Variants in CHODL observed in about 807,000 individuals in gnomAD.
CHODL encodes transmembrane protein MT75.
A neutral mutation model predicts 34.5 loss-of-function variants in CHODL; 29 were observed. The observed-to-expected ratio is 0.84, with a 90% CI of 0.63 to 1.15. The LOEUF (loss-of-function observed/expected upper bound fraction) is 1.15, where lower values mean the gene tolerates loss of function less well. CHODL is among the 50% of genes most tolerant of loss of function. The pLI is 0.00. For missense variants in CHODL, 332 were observed against 332.5 expected, an observed-to-expected ratio of 1.00 and a Z score of 0.01; for synonymous variants, 125 against 116.1, an observed-to-expected ratio of 1.08 and a Z score of -0.49.
intron 1 of CHODL, among the ~76,000 whole-genome samples, chr21:17,991,389 C>G (rs1269808980): frequency 1.3e-5 from 2 of 151,990 alleles, no homozygotes; most frequent in Non-Finnish European, 2.9e-5. Flanking sequence ...ATACCGTTTT[C>G]TATAATGGAT....
At chr21:17,928,483 G>C (rs575102609) in intron 1 of CHODL, among the ~76,000 whole-genome samples, 1 of 152,224 alleles carries the variant, frequency 6.6e-6, no homozygotes, top group East Asian at 1.9e-4. Context: ...GACAAAGCGG[G>C]GTGTCCTAGG....
intron 2 of CHODL, among the ~76,000 whole-genome samples, chr21:18,056,197 G>A (rs2064577712): frequency 6.6e-6 from 1 of 151,964 alleles, no homozygotes; most frequent in Non-Finnish European, 1.5e-5. Context: ...ATCACTGGCA[G>A]ACCATTAACC....
chr21:18,181,368 A>G (rs2073379013), intron 2 of CHODL, among the ~76,000 whole-genome samples: 1 of 152,204 alleles, frequency 6.6e-6, no homozygotes, highest in African/African-American at 2.4e-5. Context: ...ATACAAAAGA[A>G]GCCCTGTAAC....
chr21:18,148,502 G>T (rs967884611), intron 2 of CHODL, among the ~76,000 whole-genome samples: 11 of 152,052 alleles, frequency 7.2e-5, no homozygotes, highest in African/African-American at 2.4e-4. Context: ...AGGTTTTATA[G>T]AAGTTTAATG....
In CHODL at chr21:18,167,209, CTCTGTGTGTGTGTG is replaced by C. The variant is rs1169162739; in HGVS notation, c.-44-89298_-44-89285del. ...TATTTCACCATTCCCATTTCTCTCTCTCTGTGTGTGTGTGTGTGTGTGTGTGTGTGTGTGTGTGT... is the reference window on the plus strand; with the variant it reads ...TATTTCACCATTCCCATTTCTCTCTCTGTGTGTGTGTGTGTGTGTGTGTGT... On this transcript the variant is annotated intron_variant, in intron 2 of 6. Coordinates refer to the CHODL transcript ENST00000400127. 9.3e-5 allele frequency among the ~76,000 whole-genome samples: 12 copies of C among 129,148 alleles called. 1 individual carries two copies. The highest frequency in any genetic ancestry group is 8.7e-4 in the East Asian group (4 of 4,590). The allele number at this position is 129,148 out of a possible 152,430, so 84.7% of individuals were successfully genotyped here. A position where few individuals can be genotyped will look rare whatever the true frequency, so the allele number is the denominator to read the frequency against.
intron 2 of CHODL, among the ~76,000 whole-genome samples, chr21:18,056,909 C>T (rs1485029402): frequency 1.3e-5 from 2 of 151,980 alleles, no homozygotes; most frequent in African/African-American, 4.8e-5. Flanking sequence ...TTGTTTCTAG[C>T]TTTCATTTCA....
intron 2 of CHODL, among the ~76,000 whole-genome samples, chr21:18,153,096 A>T (rs1029569257): frequency 6.6e-6 from 1 of 152,068 alleles, no homozygotes; most frequent in African/African-American, 2.4e-5. Context: ...ATTATAACAA[A>T]CTCCAACAGC....
intron 5 of CHODL, among the ~76,000 whole-genome samples, chr21:18,263,229 A>G (rs1230742163): frequency 6.6e-6 from 1 of 152,158 alleles, no homozygotes; most frequent in Non-Finnish European, 1.5e-5. Flanking sequence ...GCACTATATT[A>G]TACTGTTTTT....
upstream of CHODL, among the ~76,000 whole-genome samples, chr21:18,241,907 A>G (rs932679412): frequency 2.6e-5 from 4 of 151,672 alleles, no homozygotes; most frequent in African/African-American, 9.7e-5. Context: ...TCATCCTTCT[A>G]TTTGGGGGCT....
chr21:18,046,156 C>T (rs781374213), intron 2 of CHODL, among the ~76,000 whole-genome samples: 20 of 151,594 alleles, frequency 1.3e-4, no homozygotes, highest in Admixed American at 1.1e-3. Context: ...TGGAGGAGAC[C>T]GAGAGGATAT....
intron 1 of CHODL, among the ~76,000 whole-genome samples, chr21:18,027,233 C>G (rs2064186067): frequency 6.6e-6 from 1 of 152,092 alleles, no homozygotes; most frequent in Non-Finnish European, 1.5e-5. Context: ...ATGATGGTGC[C>G]ACTGTACGCC....
intron 1 of CHODL, among the ~76,000 whole-genome samples, chr21:17,972,366 A>G (rs2063622219): frequency 6.6e-6 from 1 of 152,242 alleles, no homozygotes; most frequent in Non-Finnish European, 1.5e-5. Flanking sequence ...CTCTTTGCAG[A>G]TGACATGATT....
intron 2 of CHODL, among the ~76,000 whole-genome samples, chr21:18,125,696 T>C (rs2065534743): frequency 6.6e-6 from 1 of 151,978 alleles, no homozygotes; most frequent in South Asian, 2.1e-4. Flanking sequence ...CACGGGTTCA[T>C]GCGATTCTTC....
chr21:18,163,196 A>G (rs1463966840), intron 2 of CHODL, among the ~76,000 whole-genome samples: 1 of 152,228 alleles, frequency 6.6e-6, no homozygotes, highest in Non-Finnish European at 1.5e-5. Context: ...TTGAATTATG[A>G]TAAGGCAGGA....
At chr21:17,979,561 G>T (rs993388928) in intron 1 of CHODL, among the ~76,000 whole-genome samples, 1 of 152,046 alleles carries the variant, frequency 6.6e-6, no homozygotes, top group African/African-American at 2.4e-5. Context: ...TTGGTTTATT[G>T]TAGCTTTATT....
intron 1 of CHODL, among the ~76,000 whole-genome samples, chr21:17,926,375 G>GTT (rs767844049): frequency 0.024 from 1,440 of 60,526 alleles, 24 homozygotes; most frequent in African/African-American, 0.057. Flanking sequence ...AAATAAGGTG[G>GTT]GTTTTTTTTT....
At chr21:17,943,535 G>GAAGTA (rs2063382473) in intron 1 of CHODL, among the ~76,000 whole-genome samples, 1 of 152,220 alleles carries the variant, frequency 6.6e-6, no homozygotes, top group Non-Finnish European at 1.5e-5. Flanking sequence ...TTCAGACCAG[G>GAAGTA]ATGGTGAAGT....
chr21:17,990,217 A>G (rs528088066), intron 1 of CHODL, among the ~76,000 whole-genome samples: 3 of 152,164 alleles, frequency 2.0e-5, no homozygotes, highest in East Asian at 3.9e-4. Flanking sequence ...ATAATGTTCT[A>G]TCTGTATATA....
chr21:18,066,421 G>T (rs2064732492), intron 2 of CHODL, among the ~76,000 whole-genome samples: 1 of 152,106 alleles, frequency 6.6e-6, no homozygotes, highest in African/African-American at 2.4e-5. Context: ...TGATGCTGCA[G>T]GTTTGAATGA....
Sources: allele counts gnomAD v4.1 joint callset (sites outside exome capture counted in the v4.1 genomes callset), GRCh38; gene constraint gnomAD v4.1.1; transcripts MANE v1.5; gene names NCBI Gene and HGNC (gene_info 2026-07-23, HGNC 2026-07-21).